CHD5: variants seen among roughly 807,000 people sequenced by gnomAD.
CHD5 encodes the protein ATP-dependent chromatin remodeler CHD5.
In CHD5, 69 loss-of-function variants were observed where a neutral mutation model predicts 230.3. That is an observed-to-expected ratio of 0.30 (90% CI 0.25 to 0.37). The LOEUF is 0.37. CHD5 is among the 10% of genes least tolerant of loss of function. The pLI is 1.00. For missense variants in CHD5, 1,827 were observed against 2,622.8 expected (o/e 0.70, Z 6.63); for synonymous variants, 1,064 against 1,065.9 (o/e 1.00, Z 0.03).
At chr1:6,174,972 AGGATGGAT>A (rs147487852) in intron 1 of CHD5, among the ~76,000 whole-genome samples, 29 of 85,346 alleles carry the variant, frequency 3.4e-4, no homozygotes, top group African/African-American at 3.0e-3. Flanking sequence ...TGGTGGATGA[AGGATGGAT>A]GGATGGATGG....
At chr1:6,109,731 A>C in intron 38 of CHD5, 64 bp downstream of exon 38, 4 of 1,414,766 alleles carry the variant, frequency 2.8e-6, no homozygotes, top group Non-Finnish European at 3.9e-6. Context: ...ATCTACAGCC[A>C]AGAGCGCTCG....
rs1381292905 is a variant in CHD5 at position 6,149,707 on chromosome 1, C to T, written c.995-295G>A. Among the ~76,000 whole-genome samples the T allele has an allele frequency of 1.7e-4, 21 of 121,870 alleles. No individual in the cohort carries two copies. The East Asian group carries it at 6.0e-3, about 35-fold the overall frequency. 80.0% of individuals were successfully genotyped at this position (121,870 alleles called of 152,430 possible). A position where few individuals can be genotyped will look rare whatever the true frequency, so the allele number is the denominator to read the frequency against. On this transcript the variant is annotated intron_variant, in intron 7 of 41. Coordinates refer to ENST00000262450, the MANE Select transcript of CHD5 (RefSeq NM_015557.3). ...ATGGATGGATAGATGAATGGATGGA[C>T]AAATGGATGGATGGATGGATGATGA...
rs750028941 is a variant in CHD5 at position 6,149,601 on chromosome 1, AGAAG to A, written c.995-193_995-190del. On this transcript the variant is annotated intron_variant, in intron 7 of 41. Transcript: ENST00000262450. The stretch of plus-strand genomic sequence containing the variant: ...GGAGATAGAAGATGGATAAAAGGAA[AGAAG>A]GAAGGAAGGAAGGGTAGGAGAGTGG... Among the ~76,000 whole-genome samples, 86 of 152,238 alleles carry A rather than the reference AGAAG, an allele frequency of 5.6e-4. 1 individual carries two copies. In the East Asian group the frequency reaches 5.8e-3, roughly 10 times the overall value.
chr1:6,175,400 T>TGGTGGATAGATGAATGGATGGATGACG (rs1553144116), intron 1 of CHD5, among the ~76,000 whole-genome samples: 21 of 140,840 alleles, frequency 1.5e-4, no homozygotes, highest in African/African-American at 5.9e-4. Context: ...CATGGATGGA[T>TGGTGGATAGATGAATGGATGGATGACG]GGTGGATAGA....
rs982390463 is a variant in CHD5 at position 6,130,497 on chromosome 1, G to T, written c.3263-169C>A. Among the ~76,000 whole-genome samples, 4 of 152,116 alleles carry T rather than the reference G, an allele frequency of 2.6e-5. No homozygotes were observed. Among genetic ancestry groups the T allele is most frequent in the Non-Finnish European group, 5.9e-5 (4 of 68,000 alleles). On this transcript the variant is annotated intron_variant, in intron 21 of 41. Transcript: ENST00000262450. This position sits in a 1 kb window ranked among gnomAD's most constrained non-coding sequence, Gnocchi z 4.9. ...CGGGTGGCCACAGCTGCACTCAGGG[G>T]AGCCAGAGGAGGCCTGCCCAAGCCC...
chr1:6,168,921 A>G (rs1485707456), intron 1 of CHD5, among the ~76,000 whole-genome samples: 1 of 151,600 alleles, frequency 6.6e-6, no homozygotes, highest in Non-Finnish European at 1.5e-5. Context: ...CGGGAGGCTG[A>G]GGCTGGAGAA....
rs1315600199 is a variant in CHD5 at position 6,111,842 on chromosome 1, A to G, written c.5182T>C (p.Ser1728Pro). 4 of 1,613,260 alleles carry G rather than the reference A, an allele frequency of 2.5e-6. No individual in the cohort carries two copies. Among genetic ancestry groups the G allele is most frequent in the East Asian group, 2.2e-5 (1 of 44,878 alleles). Reference protein sequence around the residue: ...LWQNEERAAVSSGKIYDIWHR... With the variant: ...LWQNEERAAVPSGKIYDIWHR... ...CAGATGTCGTAGATTTTCCCAGAGG[A>G]TACAGCAGCCCGCTCCTCGTTCTGC... The change falls in exon 36 of 42, where the codon TCC becomes CCC. Residue 1728 changes from serine (S) to proline (P), a missense_variant. Coordinates refer to ENST00000262450, the MANE Select transcript of CHD5 (RefSeq NM_015557.3).
At chr1:6,174,922 G>A (rs1213144984) in intron 1 of CHD5, among the ~76,000 whole-genome samples, 1 of 148,954 alleles carries the variant, frequency 6.7e-6, no homozygotes, top group Non-Finnish European at 1.5e-5. Flanking sequence ...ATGGATGGAT[G>A]GTGGATGAAG....
At chr1:6,148,775 G>C (rs1285745100) in intron 9 of CHD5, 79 bp downstream of exon 9, 5 of 1,266,436 alleles carry the variant, frequency 3.9e-6, no homozygotes, top group Non-Finnish European at 5.2e-6. Context: ...CTTTTGAGGA[G>C]GGCAGGCCTT....
Position 6,131,862 on chromosome 1 carries a change from A to C in CHD5, c.3145-114T>G. 3.0e-6 allele frequency: 2 copies of C among 675,144 alleles called. No homozygotes were observed. Among genetic ancestry groups the C allele is most frequent in the Non-Finnish European group, 5.4e-6 (2 of 371,692 alleles). The allele number at this position is 675,144 out of a possible 1,614,324, so 41.8% of individuals were successfully genotyped here. A position where few individuals can be genotyped will look rare whatever the true frequency, so the allele number is the denominator to read the frequency against. On this transcript the variant is annotated intron_variant, in intron 20 of 41. Coordinates refer to ENST00000262450, the MANE Select transcript of CHD5 (RefSeq NM_015557.3). This position sits in a 1 kb window ranked among gnomAD's most constrained non-coding sequence, Gnocchi z 5.0. ...AGAGAGCTGCCTGCTAGGTGGGGAG[A>C]CAGCTGGGACCCAGGCAGGCCCAAT...
rs1301480394 is a variant in CHD5 at position 6,179,905 on chromosome 1, C to T, written c.79+40G>A. The T allele has an allele frequency of 3.4e-6, 4 of 1,171,578 alleles. No individual in the cohort carries two copies. In the African/African-American group the frequency reaches 6.6e-5, roughly 19 times the overall value. 72.6% of individuals were successfully genotyped at this position (1,171,578 alleles called of 1,614,324 possible). On this transcript the variant is annotated intron_variant, in intron 1 of 41. Transcript: ENST00000262450. ...CCTGGGCCCGGCCCGTCTCGGCGCC[C>T]CCGCCGCTCTGGCCCCAGGCGCACC...
chr1:6,136,342 C>T (rs1666746382), intron 17 of CHD5, among the ~76,000 whole-genome samples, 175 bp downstream of exon 17: 1 of 152,188 alleles, frequency 6.6e-6, no homozygotes, highest in African/African-American at 2.4e-5. Flanking sequence ...ACGCCACCCA[C>T]CCCAACACCC....
intron 2 of CHD5, among the ~76,000 whole-genome samples, chr1:6,161,691 G>A (rs562499113): frequency 9.8e-5 from 15 of 152,318 alleles, no homozygotes; most frequent in East Asian, 3.9e-4. Flanking sequence ...TGATGTCCAC[G>A]TCCCGTTGAG....
At chr1:6,151,689 C>T (rs932479958) in intron 6 of CHD5, among the ~76,000 whole-genome samples, 32 of 152,374 alleles carry the variant, frequency 2.1e-4, no homozygotes, top group African/African-American at 6.5e-4. Flanking sequence ...CTAAGCTGAA[C>T]TGGACCGTCA....
Position 6,125,742 on chromosome 1 carries a change from C to T in CHD5, c.4171+24G>A, listed in dbSNP as rs1557543332. The T allele has an allele frequency of 1.2e-6, 2 of 1,600,756 alleles. No homozygotes were observed. The highest frequency in any genetic ancestry group is 1.7e-6 in the Non-Finnish European group (2 of 1,167,868). ...CCCTGACATGGCCTCAGCAGTAGCC[C>T]AGACCACTAACACTGAGACTCACTC... On this transcript the variant is annotated intron_variant, in intron 27 of 41. Coordinates refer to ENST00000262450, the MANE Select transcript of CHD5 (RefSeq NM_015557.3). This position sits in a 1 kb window ranked among gnomAD's most constrained non-coding sequence, Gnocchi z 6.7.
chr1:6,139,538 AT>A lies in CHD5; in HGVS notation c.2436+2589del, dbSNP rs34914652. Among the ~76,000 whole-genome samples the A allele has an allele frequency of 6.4e-3, 890 of 138,928 alleles. 2 individuals are homozygous for A. The highest frequency in any genetic ancestry group is 6.8e-3 in the Non-Finnish European group (434 of 63,792). The allele number at this position is 138,928 out of a possible 152,430, so 91.1% of individuals were successfully genotyped here. A position where few individuals can be genotyped will look rare whatever the true frequency, so the allele number is the denominator to read the frequency against. ...AGGGGTGAGCCACCGTGCCCGGCTG[AT>A]TTTTTTTTTTTTTTTAAAGAGACAG... On this transcript the variant is annotated intron_variant, in intron 15 of 41. Coordinates refer to ENST00000262450, the MANE Select transcript of CHD5 (RefSeq NM_015557.3).
chr1:6,151,260 A>C, intron 6 of CHD5, 105 bp from the exon 7 acceptor site: 2 of 1,315,912 alleles, frequency 1.5e-6, no homozygotes, highest in Non-Finnish European at 2.0e-6. Context: ...CTCTGGAGAC[A>C]CAGTGCTCTC....
chr1:6,106,233 C>T lies in CHD5; in HGVS notation c.*46+1G>A, dbSNP rs769098200. 1.2e-6 allele frequency: 2 copies of T among 1,611,730 alleles called. No homozygotes were observed. Among genetic ancestry groups the T allele is most frequent in the East Asian group, 2.2e-5 (1 of 44,882 alleles). Reference sequence around the variant, plus strand: ...GGAACACAGCACCCAGCAGCCCTCACCTCAGCTGGAAATGAGCGCTGCAAC... The same window carrying T: ...GGAACACAGCACCCAGCAGCCCTCATCTCAGCTGGAAATGAGCGCTGCAAC... On this transcript the variant is annotated splice_donor_variant, in intron 41 of 41. Coordinates refer to ENST00000262450, the MANE Select transcript of CHD5 (RefSeq NM_015557.3). LOFTEE classifies it low-confidence loss of function (3UTR_SPLICE).
intron 38 of CHD5, 31 bp downstream of exon 38, chr1:6,109,764 G>A (rs757223109): frequency 2.5e-6 from 4 of 1,587,128 alleles, no homozygotes; most frequent in Non-Finnish European, 2.6e-6. Flanking sequence ...AAGGGCGGGG[G>A]GCTGCACCGT....
Sources: gnomAD v4.1 joint callset for allele counts (sites outside exome capture counted in the v4.1 genomes callset) on GRCh38, gnomAD v4.1.1 for gene constraint, Gnocchi (gnomAD v3.1) non-coding constraint, MANE v1.5 for transcripts, NCBI Gene and HGNC (gene_info 2026-07-23, HGNC 2026-07-21) for gene names.